The following FHIP1A variants were observed in gnomAD, a reference collection of about 807,000 sequenced individuals.
FHIP1A encodes the protein FHF complex subunit HOOK-interacting protein 1A.
In FHIP1A, 61 loss-of-function variants were observed where a neutral mutation model predicts 88.6. The observed-to-expected ratio is 0.69, with a 90% confidence interval of 0.56 to 0.85. The LOEUF is 0.85. FHIP1A is among the 40% of genes least tolerant of loss of function. The pLI, the probability that FHIP1A is intolerant of heterozygous loss-of-function variation, is 0.00. For synonymous variants in FHIP1A, 478 were observed against 496.0 expected (o/e 0.96, Z 0.48); for missense variants, 1,154 against 1,273.5 (o/e 0.91, Z 1.43).
chr4:151,462,767 G>A (rs1449205611), intron 2 of FHIP1A, among the ~76,000 whole-genome samples: 1 of 152,176 alleles, frequency 6.6e-6, no homozygotes, highest in Non-Finnish European at 1.5e-5. Flanking sequence ...CTCTCAGAGT[G>A]AGAGCATTTT....
At chr4:151,654,863 A>C (rs1395962278) in intron 11 of FHIP1A, among the ~76,000 whole-genome samples, 1 of 152,176 alleles carries the variant, frequency 6.6e-6, no homozygotes, top group Non-Finnish European at 1.5e-5. Flanking sequence ...TCCCGTCCCA[A>C]GGATGGGGAA....
chr4:151,548,372 A>G (rs1000574977), intron 3 of FHIP1A, among the ~76,000 whole-genome samples: 1 of 152,200 alleles, frequency 6.6e-6, no homozygotes, highest in African/African-American at 2.4e-5. Flanking sequence ...GGCTGGGTAA[A>G]ATAAGGCTGA....
chr4:151,422,665 A>G (rs1205295232), intron 1 of FHIP1A, among the ~76,000 whole-genome samples: 1 of 152,164 alleles, frequency 6.6e-6, no homozygotes, highest in Non-Finnish European at 1.5e-5. Flanking sequence ...TGTTGGGATT[A>G]CAGGTGTGAG....
Position 151,564,808 on chromosome 4 carries a change from A to G in FHIP1A, c.-122-1330A>G, listed in dbSNP as rs1359861365. 3.9e-5 allele frequency among the ~76,000 whole-genome samples: 6 copies of G among 152,120 alleles called. No individual in the cohort carries two copies. In the East Asian group the frequency reaches 5.8e-4, roughly 15 times the overall value. On this transcript the variant is annotated intron_variant, in intron 3 of 13. Transcript: ENST00000435205. ...CAAAAATGTTTCTTTCCTCAGTACTATGCTTGCAAGTGTTCTGTTCTTATG... is the reference window on the plus strand; with the variant it reads ...CAAAAATGTTTCTTTCCTCAGTACTGTGCTTGCAAGTGTTCTGTTCTTATG...
chr4:151,580,842 ATTATTTAT>A (rs776298061), intron 5 of FHIP1A, among the ~76,000 whole-genome samples: 16 of 151,580 alleles, frequency 1.1e-4, no homozygotes, highest in Admixed American at 3.9e-4. Flanking sequence ...AACATGTTGA[ATTATTTAT>A]TTATTTATTT....
At chr4:151,567,717 A>G (rs1733441846) in intron 4 of FHIP1A, among the ~76,000 whole-genome samples, 1 of 152,148 alleles carries the variant, frequency 6.6e-6, no homozygotes, top group Non-Finnish European at 1.5e-5. Context: ...TACCTTTTAC[A>G]AATTTCTGTT....
At chr4:151,605,065 C>T (rs1176881772) in intron 7 of FHIP1A, among the ~76,000 whole-genome samples, 1 of 151,994 alleles carries the variant, frequency 6.6e-6, no homozygotes, top group Non-Finnish European at 1.5e-5. Flanking sequence ...TGGTGGGAGA[C>T]CCGTAGAGAG....
chr4:151,617,926 C>T (rs914055557), intron 7 of FHIP1A, among the ~76,000 whole-genome samples: 4 of 152,154 alleles, frequency 2.6e-5, no homozygotes, highest in African/African-American at 9.7e-5. Flanking sequence ...GGTCTCAATA[C>T]AAGCACTGCT....
intron 11 of FHIP1A, among the ~76,000 whole-genome samples, chr4:151,653,857 G>A (rs987884487): frequency 6.6e-6 from 1 of 152,114 alleles, no homozygotes; most frequent in Admixed American, 6.5e-5. Context: ...ACGGGAGAGC[G>A]GTGAGTGGAT....
chr4:151,656,229 C>T lies in FHIP1A; in HGVS notation c.2552-3C>T. 1 of 1,551,078 alleles carries T rather than the reference C, an allele frequency of 6.4e-7. No homozygotes were observed. The highest frequency in any genetic ancestry group is 8.7e-7 in the Non-Finnish European group (1 of 1,146,514). On this transcript the variant is annotated splice_polypyrimidine_tract_variant and splice_region_variant and intron_variant, in intron 11 of 13. Transcript: ENST00000435205. This position sits in a 1 kb window ranked among gnomAD's most constrained non-coding sequence, Gnocchi z 4.2. ...GCCCTGAAGCCTTGTGTTCTTCCTG[C>T]AGGCCCATTCATCAGCGTAGTCCTG...
intron 3 of FHIP1A, among the ~76,000 whole-genome samples, chr4:151,539,076 A>G (rs1732172976): frequency 6.6e-6 from 1 of 152,208 alleles, no homozygotes; most frequent in Non-Finnish European, 1.5e-5. Context: ...TCTGGGGATA[A>G]CCTTAGGCTA....
At chr4:151,548,240 G>T (rs1194507556) in intron 3 of FHIP1A, among the ~76,000 whole-genome samples, 1 of 152,126 alleles carries the variant, frequency 6.6e-6, no homozygotes, top group East Asian at 1.9e-4. Context: ...AGTGTTGTTG[G>T]TGCTACACCA....
rs191880645 is a variant in FHIP1A, at chr4:151,487,108, A to C, written c.-123+4460A>C. Among the ~76,000 whole-genome samples, 219 of 152,294 alleles carry C rather than the reference A, an allele frequency of 1.4e-3. 1 individual carries two copies. Among genetic ancestry groups the C allele is most frequent in the African/African-American group, 4.7e-3 (196 of 41,580 alleles). On this transcript the variant is annotated intron_variant, in intron 3 of 13. Coordinates refer to ENST00000435205, the MANE Select transcript of FHIP1A (RefSeq NM_001109977.3). ...GTTCTTCTAGGTAATTCTTTCAAAT[A>C]GTAAACCTTAAAACACTATTCTAGG... is the stretch of plus-strand genomic sequence containing the variant.
chr4:151,450,619 C>T (rs181178439), intron 1 of FHIP1A, among the ~76,000 whole-genome samples: 2 of 152,186 alleles, frequency 1.3e-5, no homozygotes, highest in African/African-American at 2.4e-5. Context: ...CACTGTTAGG[C>T]CAATACTCTG....
At chr4:151,530,780 A>T (rs1731844988) in intron 3 of FHIP1A, among the ~76,000 whole-genome samples, 1 of 152,216 alleles carries the variant, frequency 6.6e-6, no homozygotes. Context: ...CTCTGCTCTG[A>T]AACATTCTGG....
rs1737247433 is a variant in FHIP1A at position 151,656,527 on chromosome 4, C to T, written c.2730+117C>T. 1 of 1,092,502 alleles carries T rather than the reference C, an allele frequency of 9.2e-7. No individual in the cohort carries two copies. The highest frequency in any genetic ancestry group is 2.4e-5 in the Admixed American group (1 of 42,018). The allele number at this position is 1,092,502 out of a possible 1,614,324, so 67.7% of individuals were successfully genotyped here. A position where few individuals can be genotyped will look rare whatever the true frequency, so the allele number is the denominator to read the frequency against. On this transcript the variant is annotated intron_variant, in intron 12 of 13. Transcript: ENST00000435205. The surrounding 1 kb of genome is among the most constrained non-coding windows in gnomAD (Gnocchi z 4.2). ...TCCTTTGCTCTAATTCATTTGCTTTCCTTCCCTGTCCTATTAAGCTCACTG... is the reference window on the plus strand; with the variant it reads ...TCCTTTGCTCTAATTCATTTGCTTTTCTTCCCTGTCCTATTAAGCTCACTG...
At chr4:151,567,884 C>T (rs1733448138) in intron 4 of FHIP1A, among the ~76,000 whole-genome samples, 1 of 152,180 alleles carries the variant, frequency 6.6e-6, no homozygotes, top group Admixed American at 6.5e-5. Context: ...CTTAGGAAGT[C>T]TATCTTACTA....
chr4:151,511,841 T>G (rs1343626598), intron 3 of FHIP1A, among the ~76,000 whole-genome samples: 1 of 152,236 alleles, frequency 6.6e-6, no homozygotes, highest in Non-Finnish European at 1.5e-5. Context: ...CTCTGTAGGC[T>G]CCGCCTCTGG....
At chr4:151,504,577 G>A (rs576686302) in intron 3 of FHIP1A, among the ~76,000 whole-genome samples, 104 of 120,756 alleles carry the variant, frequency 8.6e-4, no homozygotes, top group African/African-American at 3.1e-3. Context: ...GTTATGTTAT[G>A]TTATGTTATG....
Sources: allele counts gnomAD v4.1 joint callset (sites outside exome capture counted in the v4.1 genomes callset), GRCh38; gene constraint gnomAD v4.1.1; non-coding constraint Gnocchi (gnomAD v3.1); transcripts MANE v1.5; gene names NCBI Gene and HGNC (gene_info 2026-07-23, HGNC 2026-07-21).